Variants in CALD1 observed in about 807,000 individuals in gnomAD.
CALD1 encodes the protein caldesmon 1.
In CALD1, 33 loss-of-function variants were observed where a neutral mutation model predicts 99.9. That is an observed-to-expected ratio of 0.33 (90% CI 0.25 to 0.44). The LOEUF (loss-of-function observed/expected upper bound fraction) is 0.44. Among genes scored for constraint, CALD1 ranks in the 20% least tolerant of loss-of-function variants. The pLI is 1.00. For synonymous variants in CALD1, 310 were observed against 325.0 expected, an observed-to-expected ratio of 0.95 and a Z score of 0.50; for missense variants, 861 against 962.1, an observed-to-expected ratio of 0.89 and a Z score of 1.39.
intron 1 of CALD1, among the ~76,000 whole-genome samples, chr7:134,756,023 A>T (rs6962333): frequency 2.0e-5 from 3 of 151,792 alleles, no homozygotes; most frequent in Non-Finnish European, 2.9e-5. Flanking sequence ...ACATCCCTTA[A>T]CTAAAATACT....
At chr7:134,935,582 C>A in intron 5 of CALD1, 106 bp from the exon 6 acceptor site, 1 of 1,495,558 alleles carries the variant, frequency 6.7e-7, no homozygotes. Flanking sequence ...AGAAGAGAAG[C>A]CATCCCACGC....
At chr7:134,731,709 C>CT in the CALD1 span, among the ~76,000 whole-genome samples, 2 of 151,854 alleles carry the variant, frequency 1.3e-5, no homozygotes, top group Non-Finnish European at 2.9e-5. Flanking sequence ...TGCTATTGAC[C>CT]TTTTTTTGCA....
intron 1 of CALD1, among the ~76,000 whole-genome samples, chr7:134,840,970 C>G (rs933285045): frequency 6.6e-6 from 1 of 152,078 alleles, no homozygotes; most frequent in African/African-American, 2.4e-5. Context: ...GAGAAGGAGT[C>G]GGGATAGGTG....
upstream of CALD1, among the ~76,000 whole-genome samples, chr7:134,779,258 A>G (rs1278996174): frequency 6.6e-6 from 1 of 152,226 alleles, no homozygotes; most frequent in Non-Finnish European, 1.5e-5. Flanking sequence ...TCTACAAGAC[A>G]GCCTCTTTCT....
intron 1 of CALD1, among the ~76,000 whole-genome samples, chr7:134,791,266 G>A (rs1251837175): frequency 3.3e-5 from 5 of 152,084 alleles, no homozygotes; most frequent in South Asian, 4.1e-4. Context: ...GCACGATCTC[G>A]GCTCACTGCA....
At chr7:134,719,667 G>A in the CALD1 span, among the ~76,000 whole-genome samples, 2,539 of 152,248 alleles carry the variant, frequency 0.017, 58 homozygotes, top group South Asian at 0.096. Flanking sequence ...GCCATTGTCC[G>A]ATATGTGTTT....
intron 3 of CALD1, among the ~76,000 whole-genome samples, chr7:134,883,998 A>C (rs1322911781): frequency 6.6e-6 from 1 of 152,136 alleles, no homozygotes; most frequent in African/African-American, 2.4e-5. Context: ...GCTACCTGGG[A>C]GGCTGAGGCA....
At chr7:134,770,758 C>T (rs1796870407) in intron 1 of CALD1, among the ~76,000 whole-genome samples, 2 of 152,164 alleles carry the variant, frequency 1.3e-5, no homozygotes, top group African/African-American at 4.8e-5. Context: ...CAACCCACTG[C>T]ATGGGGGAAT....
intron 1 of CALD1, among the ~76,000 whole-genome samples, chr7:134,822,972 T>C (rs996552453): frequency 1.3e-5 from 2 of 152,198 alleles, no homozygotes; most frequent in African/African-American, 4.8e-5. Flanking sequence ...AAGTCAACAA[T>C]GTGGAATTGC....
Position 134,928,757 on chromosome 7 carries a change from C to A in CALD1, c.75C>A (p.Ile25=). 6.2e-7 allele frequency: 1 copy of A among 1,613,162 alleles called. No homozygotes were observed. Among genetic ancestry groups the A allele is most frequent in the Non-Finnish European group, 8.5e-7 (1 of 1,179,644 alleles). The stretch of plus-strand genomic sequence containing the variant: ...GGTTGTCTTTGTAATGTTGCAGAAT[C>A]GCCTACCAGAGGAATGACGATGATG... ...REEMRLEAER[I]AYQRNDDDEE... is the part of the protein sequence containing the mutation. Residue 25 remains isoleucine, a synonymous_variant, in exon 4 of 15, where the codon ATC becomes ATA. Transcript: ENST00000361675.
the CALD1 span, among the ~76,000 whole-genome samples, chr7:134,729,279 G>A: frequency 6.6e-6 from 1 of 152,180 alleles, no homozygotes; most frequent in Non-Finnish European, 1.5e-5. Flanking sequence ...TCATAGAGTA[G>A]TATTATTACT....
chr7:134,884,055 T>C (rs530885033), intron 3 of CALD1, among the ~76,000 whole-genome samples: 2 of 150,058 alleles, frequency 1.3e-5, no homozygotes, highest in East Asian at 3.9e-4. Context: ...TGAGCCAAGA[T>C]CACACCATTG....
intron 1 of CALD1, among the ~76,000 whole-genome samples, chr7:134,794,746 C>G (rs1004127735): frequency 1.3e-5 from 2 of 152,158 alleles, no homozygotes; most frequent in African/African-American, 4.8e-5. Flanking sequence ...CTCTGCCTCC[C>G]AAAGTACTAG....
chr7:134,928,526 T>C (rs1294163650), intron 3 of CALD1, among the ~76,000 whole-genome samples: 1 of 152,062 alleles, frequency 6.6e-6, no homozygotes, highest in East Asian at 1.9e-4. Flanking sequence ...TATTTGGTCA[T>C]TGTAAATTAT....
At chr7:134,869,198 G>C (rs887676863) in intron 3 of CALD1, among the ~76,000 whole-genome samples, 5 of 152,154 alleles carry the variant, frequency 3.3e-5, no homozygotes, top group African/African-American at 1.2e-4. Flanking sequence ...AATGAAGAGG[G>C]AAACGGAGCC....
intron 1 of CALD1, among the ~76,000 whole-genome samples, chr7:134,751,892 G>A (rs1250852848): frequency 6.6e-6 from 1 of 152,088 alleles, no homozygotes; most frequent in Non-Finnish European, 1.5e-5. Flanking sequence ...TGGGATGATT[G>A]CTTGAGCCAG....
chr7:134,766,830 G>A (rs531880952), intron 1 of CALD1, among the ~76,000 whole-genome samples: 7 of 152,236 alleles, frequency 4.6e-5, no homozygotes, highest in African/African-American at 1.4e-4. Flanking sequence ...GATCGTGGCG[G>A]GCAGACAGGG....
At chr7:134,873,224 A>AAC (rs1399211577) in intron 3 of CALD1, among the ~76,000 whole-genome samples, 3 of 151,632 alleles carry the variant, frequency 2.0e-5, no homozygotes, top group Non-Finnish European at 4.4e-5. Context: ...CCAAAAAACA[A>AAC]AAAAAAACAC....
rs1801300129 is a variant in CALD1, at chr7:134,875,423, G to T, written c.71+7619G>T. Among the ~76,000 whole-genome samples, 3 of 152,206 alleles carry T rather than the reference G, an allele frequency of 2.0e-5. No homozygotes were observed. In the South Asian group the frequency reaches 6.2e-4, roughly 31 times the overall value. ...GGCTGAGCCAGGTGGATCACCTGAG[G>T]TCAGGAGTTCGAGACCAGCCTGGCC... On this transcript the variant is annotated intron_variant, in intron 3 of 14. Coordinates refer to ENST00000361675, the MANE Select transcript of CALD1 (RefSeq NM_033138.4).
Sources: allele counts gnomAD v4.1 joint callset (sites outside exome capture counted in the v4.1 genomes callset), GRCh38; gene constraint gnomAD v4.1.1; transcripts MANE v1.5; gene names NCBI Gene and HGNC (gene_info 2026-07-23, HGNC 2026-07-21).